TRA2A: variants seen among roughly 807,000 people sequenced by gnomAD.
TRA2A encodes the protein transformer-2 protein homolog alpha.
TRA2A carries 31 observed loss-of-function variants against 45.7 expected under a neutral mutation model. The observed-to-expected ratio is 0.68, with a 90% CI of 0.51 to 0.92. The LOEUF (loss-of-function observed/expected upper bound fraction) is 0.92, where lower values mean the gene tolerates loss of function less well. TRA2A is among the 40% of genes least tolerant of loss of function. The pLI is 0.00. For synonymous variants in TRA2A, 132 were observed against 126.2 expected (o/e 1.05, Z -0.31); for missense variants, 304 against 367.5 (o/e 0.83, Z 1.41).
Position 23,512,948 on chromosome 7 carries a change from C to T in TRA2A, c.471G>A (p.Gly157=). Reference sequence around the variant, plus strand: ...ACACAAAAGCAAATCCTCGAGATCGCCCAGTTCGCTGATCATAAACCACAT... The same window carrying T: ...ACACAAAAGCAAATCCTCGAGATCGTCCAGTTCGCTGATCATAAACCACAT... ...GVNVVYDQRT[G]RSRGFAFVYF... The change falls in exon 4 of 8, where the codon GGG becomes GGA. Residue 157 remains glycine, a synonymous_variant. Coordinates refer to ENST00000297071, the MANE Select transcript of TRA2A (RefSeq NM_013293.5). 1.2e-6 allele frequency: 2 copies of T among 1,613,644 alleles called. No homozygotes were observed. The highest frequency in any genetic ancestry group is 1.7e-6 in the Non-Finnish European group (2 of 1,179,910).
intron 1 of TRA2A, 93 bp downstream of exon 1, chr7:23,531,696 G>GGACTACCCGCAACCCCGCCC: frequency 7.0e-7 from 1 of 1,429,884 alleles, no homozygotes; most frequent in Non-Finnish European, 9.7e-7. Context: ...GCTCCTCGCG[G>GGACTACCCGCAACCCCGCCC]GACTACCCGC....
chr7:23,530,290 A>G (rs2128002024), intron 1 of TRA2A, among the ~76,000 whole-genome samples: 1 of 152,228 alleles, frequency 6.6e-6, no homozygotes, highest in Non-Finnish European at 1.5e-5. Flanking sequence ...AAACTTTGTA[A>G]AAAAAAATTC....
intron 2 of TRA2A, among the ~76,000 whole-genome samples, chr7:23,519,486 GT>G (rs1475954568): frequency 1.3e-5 from 2 of 152,136 alleles, no homozygotes; most frequent in African/African-American, 4.8e-5. Flanking sequence ...AACCCAGGAG[GT>G]GGAGGTTGCA....
chr7:23,513,234 G>A (rs952001894), intron 3 of TRA2A, 152 bp from the exon 4 acceptor site: 11 of 608,234 alleles, frequency 1.8e-5, no homozygotes, highest in African/African-American at 3.7e-5. Flanking sequence ...TAGAGCAGAT[G>A]AGCCATATTT....
At chr7:23,515,868 G>A (rs1024682723) in intron 3 of TRA2A, among the ~76,000 whole-genome samples, 3 of 150,718 alleles carry the variant, frequency 2.0e-5, no homozygotes, top group African/African-American at 4.9e-5. Context: ...TTACTCAAAC[G>A]TCATGAAAAG....
intron 4 of TRA2A, among the ~76,000 whole-genome samples, chr7:23,509,462 G>A (rs540072642): frequency 2.4e-4 from 37 of 152,246 alleles, no homozygotes; most frequent in Non-Finnish European, 3.8e-4. Flanking sequence ...TAGGCTGGGC[G>A]CGATGGCTCA....
At chr7:23,531,486 G>C (rs1374414491) in intron 1 of TRA2A, 1 of 465,960 alleles carries the variant, frequency 2.1e-6, no homozygotes, top group Admixed American at 3.9e-5. Flanking sequence ...CCACACCTCG[G>C]AGCAGACATA....
intron 4 of TRA2A, among the ~76,000 whole-genome samples, chr7:23,512,033 G>A (rs1034783637): frequency 1.3e-5 from 2 of 152,168 alleles, no homozygotes; most frequent in Non-Finnish European, 2.9e-5. Context: ...TTATTCAAAA[G>A]AGAACACTTA....
intron 5 of TRA2A, 23 bp downstream of exon 5, chr7:23,507,397 G>A: frequency 6.3e-7 from 1 of 1,579,390 alleles, no homozygotes; most frequent in Non-Finnish European, 8.7e-7. Flanking sequence ...TCATAGTTTA[G>A]CTTAGGAAAC....
intron 7 of TRA2A, 67 bp downstream of exon 7, chr7:23,505,679 A>C: frequency 9.7e-7 from 1 of 1,034,454 alleles, no homozygotes; most frequent in Non-Finnish European, 1.4e-6. Flanking sequence ...CTTATACTCT[A>C]ATATTCTAAA....
Position 23,516,478 on chromosome 7 carries a change from T to C in TRA2A, c.221A>G (p.His74Arg). The change falls in exon 3 of 8, where the codon CAC (histidine) becomes CGC (arginine). Residue 74 changes from histidine to arginine, a missense_variant. His to Arg is a conservative substitution (Grantham distance 29). Around this residue, in one of 3 missense-constraint regions of TRA2A, gnomAD observed 132 missense variants for 113.4 expected, o/e 1.16. Transcript: ENST00000297071. ...SHRRYTRSRSHSHSHRRRSRS... is the reference protein window; with the variant it reads ...SHRRYTRSRSRSHSHRRRSRS... ...AGATCGTCTCCTATGAGAGTGAGAG[T>C]GGGATCTGGATCGAGTGTAACGTCT... 3 of 1,614,150 alleles carry C rather than the reference T, an allele frequency of 1.9e-6. No individual in the cohort carries two copies. Among genetic ancestry groups the C allele is most frequent in the Non-Finnish European group, 2.5e-6 (3 of 1,180,016 alleles).
Position 23,505,486 on chromosome 7 carries a change from G to C in TRA2A, c.*73C>G. ...GGAGTAGGAAGAATCCACAGCTTGG[G>C]GAAATCTCAGAATTAAAAAAAAAAA... is the stretch of plus-strand genomic sequence containing the variant. On this transcript the variant is annotated 3_prime_UTR_variant, in exon 8 of 8. Coordinates refer to ENST00000297071, the MANE Select transcript of TRA2A (RefSeq NM_013293.5). 2.0e-6 allele frequency: 1 copy of C among 504,592 alleles called. No homozygotes were observed. Among genetic ancestry groups the C allele is most frequent in the South Asian group, 2.5e-5 (1 of 40,816 alleles). The allele number at this position is 504,592 out of a possible 1,614,324, so 31.3% of individuals were successfully genotyped here.
chr7:23,517,156 A>C (rs1338035267), intron 2 of TRA2A, among the ~76,000 whole-genome samples: 1 of 151,282 alleles, frequency 6.6e-6, no homozygotes, highest in Non-Finnish European at 1.5e-5. Context: ...ATGTGTGCTT[A>C]TGTTCCCAGC....
chr7:23,516,216 T>C (rs1250842247), intron 3 of TRA2A, 147 bp downstream of exon 3: 2 of 690,116 alleles, frequency 2.9e-6, no homozygotes, highest in South Asian at 2.0e-5. Context: ...GGCATTTCCT[T>C]TACTTTGAAA....
At chr7:23,516,258 G>C in intron 3 of TRA2A, 105 bp downstream of exon 3, 2 of 1,090,946 alleles carry the variant, frequency 1.8e-6, no homozygotes, top group Non-Finnish European at 2.7e-6. Context: ...TGTTTCCAGA[G>C]TATCACTTCT....
Position 23,506,186 on chromosome 7 carries a change from C to A in TRA2A, c.722G>T (p.Gly241Val). ...GRRRDSYYDR[G>V]YDRGYDRYED... ...ATATCTGTCATACCCACGATCATAT[C>A]CTCTATCATAGTAAGAATCTCGACG... Residue 241 changes from glycine (G) to valine (V), a missense_variant, in exon 6 of 8, where the codon GGA (glycine) becomes GTA (valine). Coordinates refer to ENST00000297071, the MANE Select transcript of TRA2A (RefSeq NM_013293.5). 2.5e-6 allele frequency: 4 copies of A among 1,613,704 alleles called. No individual in the cohort carries two copies. The highest frequency in any genetic ancestry group is 1.1e-5 in the South Asian group (1 of 91,026).
intron 2 of TRA2A, among the ~76,000 whole-genome samples, chr7:23,518,322 C>T (rs1421263383): frequency 1.3e-5 from 2 of 151,864 alleles, no homozygotes; most frequent in African/African-American, 2.4e-5. Context: ...CAACAACCAC[C>T]TAAATGCCCA....
chr7:23,510,712 T>A (rs1158301327), intron 4 of TRA2A, among the ~76,000 whole-genome samples: 4 of 152,066 alleles, frequency 2.6e-5, no homozygotes, highest in Non-Finnish European at 4.4e-5. Context: ...ATATTAATAA[T>A]AAAAAAATTA....
intron 3 of TRA2A, among the ~76,000 whole-genome samples, chr7:23,515,434 G>A (rs1418826042): frequency 6.6e-6 from 1 of 151,482 alleles, no homozygotes; most frequent in East Asian, 1.9e-4. Context: ...TTTCACCGTG[G>A]TCTCGATCTC....
Sources: gnomAD v4.1 joint callset for allele counts (sites outside exome capture counted in the v4.1 genomes callset) on GRCh38, gnomAD v4.1.1 for gene constraint, gnomAD v4.1.1 regional missense constraint, MANE v1.5 for transcripts, NCBI Gene and HGNC (gene_info 2026-07-23, HGNC 2026-07-21) for gene names.